Variants in MYH10 observed in about 807,000 individuals in gnomAD.
The protein encoded by MYH10 is myosin heavy chain 10, also known as myosin-10.
MYH10 carries 55 observed loss-of-function variants against 257.8 expected under a neutral mutation model. The ratio of observed to expected loss-of-function variants is 0.21; its 90% CI spans 0.17 to 0.27. The LOEUF is 0.27. Ranked by LOEUF, MYH10 falls within the 10% of genes least tolerant of loss-of-function variation. The pLI, the probability that MYH10 is intolerant of heterozygous loss-of-function variation, is 1.00. For missense variants in MYH10, 1,631 were observed against 2,500.6 expected, an observed-to-expected ratio of 0.65 and a Z score of 7.42; for synonymous variants, 854 against 921.7, an observed-to-expected ratio of 0.93 and a Z score of 1.33.
intron 14 of MYH10, among the ~76,000 whole-genome samples, chr17:8,538,326 C>T (rs2151938948): frequency 6.6e-6 from 1 of 152,346 alleles, no homozygotes; most frequent in Admixed American, 6.5e-5. Context: ...CTGCTTCAGC[C>T]TCCCGAGTAG....
At position 8,506,026 on chromosome 17, in the gene MYH10, A is replaced by C. The variant is rs1282724957; in HGVS notation, c.3386+292T>G. 6.2e-6 allele frequency: 2 copies of C among 322,388 alleles called. No homozygotes were observed. The highest frequency in any genetic ancestry group is 1.1e-5 in the Non-Finnish European group (2 of 181,186). The allele number at this position is 322,388 out of a possible 1,614,324, so 20.0% of individuals were successfully genotyped here. A position where few individuals can be genotyped will look rare whatever the true frequency, so the allele number is the denominator to read the frequency against. On this transcript the variant is annotated intron_variant, in intron 27 of 42. Transcript: ENST00000360416. The surrounding 1 kb of genome is among the most constrained non-coding windows in gnomAD (Gnocchi z 5.0). ...ATACTACAGTTAATCTGTAATGTAC[A>C]GAGACCAAAACATTTGTTATAGTGA...
At chr17:8,518,996 G>T (rs773180940) in intron 19 of MYH10, 46 bp from the exon 20 acceptor site, 17 of 1,430,658 alleles carry the variant, frequency 1.2e-5, no homozygotes, top group Non-Finnish European at 1.7e-5. Context: ...ATTTGTGAAC[G>T]ATGTGTATCT....
At chr17:8,600,096 G>A (rs1423017211) in intron 3 of MYH10, among the ~76,000 whole-genome samples, 1 of 152,088 alleles carries the variant, frequency 6.6e-6, no homozygotes, top group Non-Finnish European at 1.5e-5. Flanking sequence ...AAATTACAGT[G>A]GTATTTATCT....
Position 8,475,388 on chromosome 17 carries a change from C to A in MYH10, c.*416G>T. On this transcript the variant is annotated 3_prime_UTR_variant, in exon 43 of 43. Transcript: ENST00000360416. ...GATGTGGCTGAGGAGTCGGGGGCCA[C>A]GTGAACACAGAACTAGGTTACCTGT... The A allele has an allele frequency of 6.0e-6, 1 of 165,416 alleles. No individual in the cohort carries two copies. Among genetic ancestry groups the A allele is most frequent in the Non-Finnish European group, 1.3e-5 (1 of 75,722 alleles). The allele number at this position is 165,416 out of a possible 1,614,324, so 10.2% of individuals were successfully genotyped here. A position where few individuals can be genotyped will look rare whatever the true frequency, so the allele number is the denominator to read the frequency against.
chr17:8,523,606 T>G (rs1402221559), intron 17 of MYH10, among the ~76,000 whole-genome samples: 1 of 152,042 alleles, frequency 6.6e-6, no homozygotes, highest in African/African-American at 2.4e-5. Context: ...GAGGAGCTTA[T>G]GACACTCGCA....
At chr17:8,534,336 C>A (rs2082082706) in intron 16 of MYH10, among the ~76,000 whole-genome samples, 1 of 152,222 alleles carries the variant, frequency 6.6e-6, no homozygotes, top group Non-Finnish European at 1.5e-5. Context: ...ATGTCTCAGG[C>A]CCACAGTCTG....
intron 2 of MYH10, among the ~76,000 whole-genome samples, chr17:8,612,798 C>T (rs2085094283): frequency 6.6e-6 from 1 of 151,174 alleles, no homozygotes; most frequent in South Asian, 2.1e-4. Context: ...TGCAGTGAGC[C>T]GAGATTGCAC....
chr17:8,497,625 GCTAC>G (rs1916834145), intron 30 of MYH10, among the ~76,000 whole-genome samples: 2 of 150,014 alleles, frequency 1.3e-5, no homozygotes, highest in Admixed American at 1.3e-4. Flanking sequence ...TGTAGTCCCA[GCTAC>G]CCAGGAGGCT....
intron 3 of MYH10, among the ~76,000 whole-genome samples, chr17:8,590,372 G>A (rs902477921): frequency 3.3e-5 from 5 of 151,892 alleles, no homozygotes; most frequent in Non-Finnish European, 7.4e-5. Flanking sequence ...GAGTGCAGTG[G>A]TGTGATCTCA....
intron 2 of MYH10, among the ~76,000 whole-genome samples, chr17:8,621,189 C>T (rs2085454428): frequency 6.6e-6 from 1 of 152,210 alleles, no homozygotes; most frequent in East Asian, 1.9e-4. Flanking sequence ...ATTTCCATAC[C>T]TGCACAATTT....
chr17:8,531,632 C>A (rs2082006873), intron 16 of MYH10, among the ~76,000 whole-genome samples: 1 of 150,780 alleles, frequency 6.6e-6, no homozygotes, highest in Non-Finnish European at 1.5e-5. Flanking sequence ...GTCAAGCGAT[C>A]CTTCTGCCTC....
At chr17:8,589,853 T>G (rs745506535) in intron 3 of MYH10, among the ~76,000 whole-genome samples, 1 of 152,176 alleles carries the variant, frequency 6.6e-6, no homozygotes, top group Non-Finnish European at 1.5e-5. Flanking sequence ...ATGCAGAATT[T>G]CTAATCACTT....
At chr17:8,495,751 CCTGG>C (rs1252573961) in intron 30 of MYH10, among the ~76,000 whole-genome samples, 1 of 151,930 alleles carries the variant, frequency 6.6e-6, no homozygotes, top group Non-Finnish European at 1.5e-5. Flanking sequence ...ACCCTGTCGC[CCTGG>C]CTGGAGTGCA....
At chr17:8,615,462 T>G (rs2085220987) in intron 2 of MYH10, among the ~76,000 whole-genome samples, 1 of 152,294 alleles carries the variant, frequency 6.6e-6, no homozygotes, top group East Asian at 1.9e-4. Context: ...CAGCATAATC[T>G]TGATAGCAAC....
chr17:8,506,435 T>C lies in MYH10; in HGVS notation c.3269A>G (p.Lys1090Arg), dbSNP rs1414484521. Residue 1090 changes from lysine (K) to arginine (R), a missense_variant, in exon 27 of 43, where the codon AAA (lysine) becomes AGA (arginine). Transcript: ENST00000360416. This position sits in a 1 kb window ranked among gnomAD's most constrained non-coding sequence, Gnocchi z 5.0. The part of the protein sequence containing the change: ...TRQELEKAKR[K>R]LDGETTDLQD... ...CAGGTCGGTCGTCTCCCCGTCGAGT[T>C]TTCTTTTGGCCTTTTCCAGTTCCTG... 6.2e-7 allele frequency: 1 copy of C among 1,612,950 alleles called. No individual in the cohort carries two copies. Among genetic ancestry groups the C allele is most frequent in the Admixed American group, 1.7e-5 (1 of 59,658 alleles).
Position 8,509,870 on chromosome 17 carries a change from A to T in MYH10, c.3032T>A (p.Ile1011Asn), listed in dbSNP as rs2151869336. 1 of 1,613,250 alleles carries T rather than the reference A, an allele frequency of 6.2e-7. No individual in the cohort carries two copies. Among genetic ancestry groups the T allele is most frequent in the South Asian group, 1.1e-5 (1 of 91,020 alleles). ...CAGAATCTCCTCTTCCATCTTCTTGATCTTGGCCTCTGCTGTCACCTTTTC... is the reference window on the plus strand; with the variant it reads ...CAGAATCTCCTCTTCCATCTTCTTGTTCTTGGCCTCTGCTGTCACCTTTTC... ...QLEKVTAEAK[I>N]KKMEEEILLL... The change falls in exon 25 of 43, where the codon ATC (isoleucine) becomes AAC (asparagine). Residue 1011 changes from isoleucine (I) to asparagine (N), a missense_variant. Ile to Asn is a moderately radical substitution (Grantham distance 149). Around this residue, in one of 11 missense-constraint regions of MYH10, gnomAD observed 169 missense variants for 249.8 expected, o/e 0.68. Transcript: ENST00000360416.
chr17:8,595,216 GTTTA>G (rs1332706438), intron 3 of MYH10, among the ~76,000 whole-genome samples: 1 of 152,078 alleles, frequency 6.6e-6, no homozygotes, highest in Non-Finnish European at 1.5e-5. Context: ...TATTCCTAGC[GTTTA>G]TTTATTTTTG....
At chr17:8,602,077 G>A (rs1346423623) in intron 3 of MYH10, among the ~76,000 whole-genome samples, 2 of 150,434 alleles carry the variant, frequency 1.3e-5, no homozygotes, top group African/African-American at 2.4e-5. Flanking sequence ...CCGGGTTCAC[G>A]CCATTCTCCC....
At chr17:8,573,821 T>C (rs1398825473) in intron 6 of MYH10, 2 of 973,090 alleles carry the variant, frequency 2.1e-6, no homozygotes, top group East Asian at 1.1e-4. Context: ...ATTTTGAAAA[T>C]GAAGATGAAA....
Sources: gnomAD v4.1 joint callset for allele counts (sites outside exome capture counted in the v4.1 genomes callset) on GRCh38, gnomAD v4.1.1 for gene constraint, gnomAD v4.1.1 regional missense constraint, Gnocchi (gnomAD v3.1) non-coding constraint, MANE v1.5 for transcripts, NCBI Gene and HGNC (gene_info 2026-07-23, HGNC 2026-07-21) for gene names.